RYR2: variants seen among roughly 807,000 people sequenced by gnomAD.
RYR2 encodes cardiac muscle ryanodine receptor-calcium release channel.
In RYR2, 227 loss-of-function variants were observed where a neutral mutation model predicts 601.1. The observed-to-expected ratio is 0.38, with a 90% CI of 0.34 to 0.42. The LOEUF is 0.42. Among genes scored for constraint, RYR2 ranks in the 10% least tolerant of loss-of-function variants. RYR2 has a pLI of 1.00. For synonymous variants in RYR2, 2,223 were observed against 2,175.1 expected, an observed-to-expected ratio of 1.02 and a Z score of -0.61; for missense variants, 4,646 against 6,156.5, an observed-to-expected ratio of 0.75 and a Z score of 8.21.
intron 1 of RYR2, among the ~76,000 whole-genome samples, chr1:237,163,193 T>C (rs900107969): frequency 1.3e-5 from 2 of 152,204 alleles, no homozygotes; most frequent in Non-Finnish European, 2.9e-5. Flanking sequence ...ATCTCTAAGA[T>C]ACCTGCAACC....
At chr1:237,800,386 A>G (rs1450934406) in intron 97 of RYR2, among the ~76,000 whole-genome samples, 1 of 152,138 alleles carries the variant, frequency 6.6e-6, no homozygotes, top group African/African-American at 2.4e-5. Context: ...TGATAATAAA[A>G]TTAATTATAG....
intron 25 of RYR2, among the ~76,000 whole-genome samples, chr1:237,544,570 G>T (rs1254526661): frequency 6.6e-6 from 1 of 151,922 alleles, no homozygotes; most frequent in Non-Finnish European, 1.5e-5. Flanking sequence ...TTCAGTTTCT[G>T]GTTCATGTCA....
chr1:237,082,158 G>A (rs997144258), intron 1 of RYR2, among the ~76,000 whole-genome samples: 2 of 152,090 alleles, frequency 1.3e-5, no homozygotes, highest in Admixed American at 1.3e-4. Flanking sequence ...TGTGGGACAG[G>A]TCCTATTGTA....
chr1:237,155,179 C>CTTTT lies in RYR2; in HGVS notation c.48+112623_48+112626dup, dbSNP rs11412062. Among the ~76,000 whole-genome samples the CTTTT allele has an allele frequency of 7.1e-5, 9 of 127,620 alleles. 1 individual carries two copies. The highest frequency in any genetic ancestry group is 1.1e-4 in the Non-Finnish European group (7 of 63,216). The allele number at this position is 127,620 out of a possible 152,430, so 83.7% of individuals were successfully genotyped here. ...TGGTATATATATATTTTTTTCTTTT[C>CTTTT]TTTTTTTTTTTTTTTTGACAGAGTC... On this transcript the variant is annotated intron_variant, in intron 1 of 104. Coordinates refer to ENST00000366574, the MANE Select transcript of RYR2 (RefSeq NM_001035.3).
Position 237,801,877 on chromosome 1 carries a change from G to T in RYR2, c.14112G>T (p.Lys4704Asn). The change falls in exon 98 of 105, where the codon AAG becomes AAT. Residue 4704 changes from lysine (K) to asparagine (N), a missense_variant. Coordinates refer to ENST00000366574, the MANE Select transcript of RYR2 (RefSeq NM_001035.3). ...GCAGACTGAACTCCATTGATGTGAA[G>T]TATCAGATGTGGAAACTAGGAGTCG... ...LSAVLNSIDV[K>N]YQMWKLGVVF... 1.9e-6 allele frequency: 3 copies of T among 1,597,744 alleles called. No homozygotes were observed. The highest frequency in any genetic ancestry group is 1.7e-6 in the Non-Finnish European group (2 of 1,169,402).
intron 56 of RYR2, among the ~76,000 whole-genome samples, chr1:237,663,864 A>G (rs995392223): frequency 2.0e-5 from 3 of 152,182 alleles, no homozygotes; most frequent in Admixed American, 6.5e-5. Context: ...TTGCATATGT[A>G]AGACAAACTT....
rs990489832 is a variant in RYR2 at position 237,313,136 on chromosome 1, G to A, written c.169-17742G>A. Among the ~76,000 whole-genome samples the A allele has an allele frequency of 4.3e-4, 65 of 151,624 alleles. No individual in the cohort carries two copies. The Middle Eastern group carries it at 0.017, about 40-fold the overall frequency. On this transcript the variant is annotated intron_variant, in intron 2 of 104. Transcript: ENST00000366574. Reference sequence around the variant, plus strand: ...ATTTTTAATTTTAATTTTTAAATAAGATATGTAAGTATTGAAGTACAGATA... The same window carrying A: ...ATTTTTAATTTTAATTTTTAAATAAAATATGTAAGTATTGAAGTACAGATA...
At chr1:237,095,709 C>A (rs1276623425) in intron 1 of RYR2, among the ~76,000 whole-genome samples, 1 of 152,124 alleles carries the variant, frequency 6.6e-6, no homozygotes, top group Non-Finnish European at 1.5e-5. Flanking sequence ...ACAGAGTGGT[C>A]CCAGCTGGGG....
At chr1:237,520,412 C>A (rs1666974426) in intron 24 of RYR2, among the ~76,000 whole-genome samples, 1 of 152,102 alleles carries the variant, frequency 6.6e-6, no homozygotes, top group Non-Finnish European at 1.5e-5. Flanking sequence ...TTCAACTTTC[C>A]CCATTCAGCA....
chr1:237,638,619 G>T, intron 45 of RYR2, 127 bp downstream of exon 45: 2 of 1,053,082 alleles, frequency 1.9e-6, no homozygotes, highest in Non-Finnish European at 2.7e-6. Context: ...ATAATCGATA[G>T]GGGTTTTTCA....
rs550822236 is a variant in RYR2, at chr1:237,264,716, A to G, written c.49-5781A>G. On this transcript the variant is annotated intron_variant, in intron 1 of 104. Coordinates refer to ENST00000366574, the MANE Select transcript of RYR2 (RefSeq NM_001035.3). ...TTATTATTATTTTTTTTTTTTTGAGACGGAGTCTTGCTCTTGTCACCCAGG... is the reference window on the plus strand; with the variant it reads ...TTATTATTATTTTTTTTTTTTTGAGGCGGAGTCTTGCTCTTGTCACCCAGG... Among the ~76,000 whole-genome samples, 4 of 150,170 alleles carry G rather than the reference A, an allele frequency of 2.7e-5. No homozygotes were observed. The South Asian group carries it at 6.4e-4, about 24-fold the overall frequency.
At position 237,667,978 on chromosome 1, in the gene RYR2, T is replaced by A. The variant is rs769005567; in HGVS notation, c.8590+20T>A. 1 of 1,536,644 alleles carries A rather than the reference T, an allele frequency of 6.5e-7. No individual in the cohort carries two copies. Among genetic ancestry groups the A allele is most frequent in the South Asian group, 1.2e-5 (1 of 81,374 alleles). The stretch of plus-strand genomic sequence containing the variant: ...CCAAAGGTAATATTTTCTAAAAACG[T>A]TTATTAAAAAATAATCTGAGCTCAA... On this transcript the variant is annotated intron_variant, in intron 58 of 104. Transcript: ENST00000366574.
At chr1:237,663,056 G>A (rs900639271) in intron 56 of RYR2, among the ~76,000 whole-genome samples, 1 of 152,192 alleles carries the variant, frequency 6.6e-6, no homozygotes, top group African/African-American at 2.4e-5. Flanking sequence ...TGGCCTGTAG[G>A]TGGGAAAGAA....
chr1:237,717,274 T>C lies in RYR2; in HGVS notation c.10400T>C (p.Val3467Ala). 1 of 1,613,694 alleles carries C rather than the reference T, an allele frequency of 6.2e-7. No homozygotes were observed. Among genetic ancestry groups the C allele is most frequent in the Non-Finnish European group, 8.5e-7 (1 of 1,179,686 alleles). Residue 3467 changes from valine to alanine, a missense_variant, in exon 72 of 105, where the codon GTA becomes GCA. This residue lies in a region of RYR2 where 1,497 missense variants were observed against 1,842.6 expected (regional missense o/e 0.81). Coordinates refer to ENST00000366574, the MANE Select transcript of RYR2 (RefSeq NM_001035.3). ...TATTCCATGCAGACCTCTCTGATTG[T>C]AGCAGCTCTGAAGCGGTTACTGCCC... The part of the protein sequence containing the change: ...DRYSMQTSLI[V>A]AALKRLLPIG...
rs3057443 is a variant in RYR2 at position 237,565,155 on chromosome 1, TTCTC to T, written c.3215-1410_3215-1407del. Among the ~76,000 whole-genome samples the T allele has an allele frequency of 2.2e-4, 27 of 120,938 alleles. 1 individual carries two copies. The highest frequency in any genetic ancestry group is 6.9e-4 in the African/African-American group (21 of 30,310). The allele number at this position is 120,938 out of a possible 152,430, so 79.3% of individuals were successfully genotyped here. On this transcript the variant is annotated intron_variant, in intron 27 of 104. Coordinates refer to ENST00000366574, the MANE Select transcript of RYR2 (RefSeq NM_001035.3). Reference sequence around the variant, plus strand: ...TCTTTCTTTCTTTTTCTTTCTTTCTTTCTCTTTCTTTCTTTCTTTCTTTCTTTCT... The same window carrying T: ...TCTTTCTTTCTTTTTCTTTCTTTCTTTTTCTTTCTTTCTTTCTTTCTTTCT...
chr1:237,691,398 A>C (rs1441996681), intron 63 of RYR2, among the ~76,000 whole-genome samples: 1 of 152,156 alleles, frequency 6.6e-6, no homozygotes. Context: ...TGGTGAGCAG[A>C]GTTTGATGGG....
rs1156873948 is a variant in RYR2, at chr1:237,289,172, C to T, written c.168+18556C>T. Among the ~76,000 whole-genome samples, 10 of 152,278 alleles carry T rather than the reference C, an allele frequency of 6.6e-5. No individual in the cohort carries two copies. In the East Asian group the frequency reaches 1.9e-3, roughly 29 times the overall value. On this transcript the variant is annotated intron_variant, in intron 2 of 104. Transcript: ENST00000366574. ...TTTTAGGGGGGTCTCCCGGGTCCTG[C>T]AGGAGCAGTCCGCTTCCTTCAGAGG...
Position 237,639,117 on chromosome 1 carries a change from T to C in RYR2, c.7031T>C (p.Leu2344Pro), listed in dbSNP as rs2148728162. 1 of 1,613,906 alleles carries C rather than the reference T, an allele frequency of 6.2e-7. No homozygotes were observed. The highest frequency in any genetic ancestry group is 8.5e-7 in the Non-Finnish European group (1 of 1,179,872). Residue 2344 changes from leucine (L) to proline (P), a missense_variant, in exon 46 of 105, where the codon CTT becomes CCT. By Grantham distance (98) the Leu-to-Pro change is moderately conservative. Transcript: ENST00000366574. ...ALRGEGGNGL[L>P]AAMEEAIKIA... The stretch of plus-strand genomic sequence containing the variant: ...AGAGGAGAAGGTGGGAATGGGCTTC[T>C]TGCAGCAATGGAAGAAGCCATCAAA...
At chr1:237,488,436 T>G (rs961497109) in intron 17 of RYR2, among the ~76,000 whole-genome samples, 1 of 152,176 alleles carries the variant, frequency 6.6e-6, no homozygotes, top group Non-Finnish European at 1.5e-5. Flanking sequence ...TGGGGCCTCC[T>G]TTATAAAGGC....
Sources: allele counts gnomAD v4.1 joint callset (sites outside exome capture counted in the v4.1 genomes callset), GRCh38; gene constraint gnomAD v4.1.1; regional missense constraint gnomAD v4.1.1; transcripts MANE v1.5; gene names NCBI Gene and HGNC (gene_info 2026-07-23, HGNC 2026-07-21).